The following ABHD18 variants were observed in gnomAD, a reference collection of about 807,000 sequenced individuals.
The protein encoded by ABHD18 is cardiolipin-specific deacylase, mitochondrial.
In ABHD18, 55 loss-of-function variants were observed where a neutral mutation model predicts 65.9. The ratio of observed to expected loss-of-function variants is 0.84; its 90% CI spans 0.67 to 1.05. The LOEUF is 1.05. ABHD18 is among the 50% of genes least tolerant of loss of function. The pLI is 0.00. For missense variants in ABHD18, 533 were observed against 558.5 expected, an observed-to-expected ratio of 0.95 and a Z score of 0.46; for synonymous variants, 181 against 180.2, an observed-to-expected ratio of 1.00 and a Z score of -0.04.
Position 128,033,524 on chromosome 4 carries a change from C to CTTTTTTTTTTTTTT in ABHD18, c.1344-2231_1344-2218dup, listed in dbSNP as rs869099600. On this transcript the variant is annotated intron_variant, in intron 12 of 12. Coordinates refer to ENST00000645843, the MANE Select transcript of ABHD18 (RefSeq NM_001358451.3). ...GCAGGCTATCAGTTTCAAAGATAGT[C>CTTTTTTTTTTTTTT]TTTTTTTTTTTTTTTTTTTTGTCTT... Among the ~76,000 whole-genome samples, 107 of 108,630 alleles carry CTTTTTTTTTTTTTT rather than the reference C, an allele frequency of 9.8e-4. 6 individuals are homozygous for CTTTTTTTTTTTTTT. The East Asian group carries it at 0.013, about 14-fold the overall frequency. 71.3% of individuals were successfully genotyped at this position (108,630 alleles called of 152,430 possible). A position where few individuals can be genotyped will look rare whatever the true frequency, so the allele number is the denominator to read the frequency against.
At chr4:128,000,138 C>A (rs1752424410) in intron 4 of ABHD18, among the ~76,000 whole-genome samples, 1 of 152,218 alleles carries the variant, frequency 6.6e-6, no homozygotes, top group African/African-American at 2.4e-5. Flanking sequence ...CCCACCAGGT[C>A]CCTCCCAAAA....
rs1405917877 is a variant in ABHD18 at position 128,039,293 on chromosome 4, T to C, written c.*3480T>C. On this transcript the variant is annotated 3_prime_UTR_variant, in exon 13 of 13. Transcript: ENST00000645843. ...CAGATCTGTAAACTGGTAGTTCACA[T>C]AGGCCAGTTTGACCCACAGTTATTT... 6.6e-6 allele frequency: 1 copy of C among 151,614 alleles called. No homozygotes were observed. Among genetic ancestry groups the C allele is most frequent in the African/African-American group, 2.4e-5 (1 of 41,346 alleles). 9.4% of individuals were successfully genotyped at this position (151,614 alleles called of 1,614,324 possible). A position where few individuals can be genotyped will look rare whatever the true frequency, so the allele number is the denominator to read the frequency against.
intron 1 of ABHD18, 85 bp from the exon 2 acceptor site, chr4:127,982,854 A>G (rs1050562904): frequency 7.7e-6 from 5 of 648,742 alleles, no homozygotes; most frequent in African/African-American, 7.6e-5. Flanking sequence ...ATTTTACATG[A>G]TAGTCAAAGA....
At chr4:127,985,619 AT>A (rs936458714) in intron 3 of ABHD18, among the ~76,000 whole-genome samples, 8 of 152,126 alleles carry the variant, frequency 5.3e-5, no homozygotes, top group Admixed American at 2.0e-4. Context: ...TTAAAAAAAA[AT>A]CTCCTTTAAT....
chr4:128,026,240 A>T (rs1422007276), intron 10 of ABHD18, among the ~76,000 whole-genome samples: 1 of 152,072 alleles, frequency 6.6e-6, no homozygotes, highest in Non-Finnish European at 1.5e-5. Flanking sequence ...GTGAGCCAAG[A>T]TCATGCCATT....
At chr4:127,992,902 C>T (rs142040269) in intron 4 of ABHD18, among the ~76,000 whole-genome samples, 87 of 151,962 alleles carry the variant, frequency 5.7e-4, no homozygotes, top group Non-Finnish European at 1.1e-3. Context: ...TTAAGTCAGC[C>T]TGAGCAACGT....
chr4:127,979,201 T>C (rs977843590), intron 1 of ABHD18, among the ~76,000 whole-genome samples: 3 of 152,198 alleles, frequency 2.0e-5, no homozygotes, highest in Non-Finnish European at 4.4e-5. Context: ...CAGCTGTTTA[T>C]AAACAAGAGG....
At chr4:128,017,698 C>A (rs1180945653) in intron 8 of ABHD18, among the ~76,000 whole-genome samples, 197 bp downstream of exon 8, 1 of 152,070 alleles carries the variant, frequency 6.6e-6, no homozygotes, top group Non-Finnish European at 1.5e-5. Flanking sequence ...TTGTACTACT[C>A]CACAGTTGTA....
At chr4:127,970,589 CAAAAAAAAAA>C (rs375709595) in intron 1 of ABHD18, among the ~76,000 whole-genome samples, 2 of 54,650 alleles carry the variant, frequency 3.7e-5, no homozygotes, top group African/African-American at 7.2e-5. Flanking sequence ...AACTCTGTCT[CAAAAAAAAAA>C]AAAAAAAAAA....
At chr4:127,972,891 A>C (rs1747118167) in intron 1 of ABHD18, among the ~76,000 whole-genome samples, 1 of 152,120 alleles carries the variant, frequency 6.6e-6, no homozygotes, top group Non-Finnish European at 1.5e-5. Context: ...AAATTCTAAG[A>C]GGCAAGTGTT....
intron 10 of ABHD18, among the ~76,000 whole-genome samples, chr4:128,021,584 G>C (rs1034955853): frequency 1.3e-5 from 2 of 150,304 alleles, no homozygotes; most frequent in Non-Finnish European, 2.9e-5. Context: ...AACTTAGGAG[G>C]CAGAGGTTGC....
chr4:127,989,690 T>G, intron 3 of ABHD18, 31 bp from the exon 4 acceptor site: 1 of 1,411,018 alleles, frequency 7.1e-7, no homozygotes, highest in Non-Finnish European at 9.6e-7. Context: ...TTAGTTTTCT[T>G]GCATACATCT....
chr4:127,970,711 A>G (rs551554039), intron 1 of ABHD18, among the ~76,000 whole-genome samples: 10 of 151,966 alleles, frequency 6.6e-5, no homozygotes, highest in African/African-American at 2.4e-4. Flanking sequence ...AGAGGCTGAG[A>G]TGGGAGGATT....
chr4:127,972,614 C>T (rs561667244), intron 1 of ABHD18, among the ~76,000 whole-genome samples: 139 of 144,876 alleles, frequency 9.6e-4, no homozygotes, highest in Admixed American at 2.2e-3. Context: ...CCATGTTGGC[C>T]GGGCTGGTTT....
intron 1 of ABHD18, among the ~76,000 whole-genome samples, chr4:127,976,871 C>T (rs1748021092): frequency 6.6e-6 from 1 of 152,072 alleles, no homozygotes; most frequent in South Asian, 2.1e-4. Context: ...GAAACCCCGT[C>T]TCTACTAAAA....
At chr4:127,997,733 C>T (rs1200890211) in intron 4 of ABHD18, among the ~76,000 whole-genome samples, 2 of 152,164 alleles carry the variant, frequency 1.3e-5, no homozygotes, top group South Asian at 4.1e-4. Context: ...GCTGTTGGCT[C>T]AGAGAAAAAC....
Position 127,983,184 on chromosome 4 carries a change from T to C in ABHD18, c.92+137T>C. 1.1e-5 allele frequency: 6 copies of C among 568,998 alleles called. No individual in the cohort carries two copies. In the South Asian group the frequency reaches 1.2e-4, roughly 11 times the overall value. The allele number at this position is 568,998 out of a possible 1,614,324, so 35.2% of individuals were successfully genotyped here. ...TTAAACTATGTAAAATGTAATTATT[T>C]CCTTTTTACTTTTGTCTTTTTAGTT... On this transcript the variant is annotated intron_variant, in intron 2 of 12. Transcript: ENST00000645843.
At chr4:128,031,298 CAAAAAAA>C (rs547911818) in intron 12 of ABHD18, 4 of 64,600 alleles carry the variant, frequency 6.2e-5, no homozygotes, top group Non-Finnish European at 1.4e-4. Flanking sequence ...AGTAAAAATA[CAAAAAAA>C]AAAAAAAAAA....
intron 12 of ABHD18, among the ~76,000 whole-genome samples, chr4:128,035,460 C>T (rs925137168): frequency 3.9e-5 from 6 of 152,026 alleles, no homozygotes; most frequent in African/African-American, 1.4e-4. Flanking sequence ...GTAATTCTAG[C>T]TACTTGGGAG....
Sources: gnomAD v4.1 joint callset for allele counts (sites outside exome capture counted in the v4.1 genomes callset) on GRCh38, gnomAD v4.1.1 for gene constraint, MANE v1.5 for transcripts, NCBI Gene and HGNC (gene_info 2026-07-23, HGNC 2026-07-21) for gene names.